ELAPOR2: variants seen among roughly 807,000 people sequenced by gnomAD.
The protein encoded by ELAPOR2 is endosome/lysosome-associated apoptosis and autophagy regulator family member 2.
A neutral mutation model predicts 120.7 loss-of-function variants in ELAPOR2; 89 were observed. The ratio of observed to expected loss-of-function variants is 0.74; its 90% CI spans 0.62 to 0.88. The LOEUF is 0.88. ELAPOR2 is among the 40% of genes least tolerant of loss of function. The pLI, the probability that ELAPOR2 is intolerant of heterozygous loss-of-function variation, is 0.00. For missense variants in ELAPOR2, 1,134 were observed against 1,251.6 expected (o/e 0.91, Z 1.42); for synonymous variants, 444 against 444.9 (o/e 1.00, Z 0.03).
chr7:86,944,427 G>GA (rs1022913528), intron 4 of ELAPOR2, among the ~76,000 whole-genome samples: 7 of 151,376 alleles, frequency 4.6e-5, no homozygotes, highest in Non-Finnish European at 1.0e-4. Context: ...TTCTACTTCT[G>GA]AAAAAAAATT....
At chr7:86,948,056 A>G (rs961310058) in intron 2 of ELAPOR2, 134 bp from the exon 3 acceptor site, 2 of 642,990 alleles carry the variant, frequency 3.1e-6, no homozygotes, top group East Asian at 2.8e-5. Flanking sequence ...AATTCCTCTT[A>G]TCACTACATG....
Position 86,913,108 on chromosome 7 carries a change from C to G in ELAPOR2, c.1828G>C (p.Gly610Arg). The G allele has an allele frequency of 6.2e-7, 1 of 1,613,994 alleles. No individual in the cohort carries two copies. Among genetic ancestry groups the G allele is most frequent in the South Asian group, 1.1e-5 (1 of 91,066 alleles). The change falls in exon 14 of 22, where the codon GGT (glycine) becomes CGT (arginine). Residue 610 changes from glycine (G) to arginine (R), a missense_variant. By Grantham distance (125) the Gly-to-Arg change is moderately radical. Around this residue, in one of 3 missense-constraint regions of ELAPOR2, gnomAD observed 831 missense variants for 867.6 expected, o/e 0.96. Coordinates refer to ENST00000450689, the MANE Select transcript of ELAPOR2 (RefSeq NM_001142749.3). ...VASSCRACAL[G>R]SEQSGSSCVP... ...CACGATGAACCCGACTGTTCAGAAC[C>G]GAGGGCACAGGCACGGCATGAGGAC...
intron 1 of ELAPOR2, among the ~76,000 whole-genome samples, chr7:87,012,396 G>A (rs567688163): frequency 6.6e-6 from 1 of 152,254 alleles, no homozygotes; most frequent in East Asian, 1.9e-4. Context: ...GTGACAGAGT[G>A]AGACTCCTTC....
At chr7:87,043,662 A>T in intron 1 of ELAPOR2, among the ~76,000 whole-genome samples, 1 of 148,894 alleles carries the variant, frequency 6.7e-6, no homozygotes, top group African/African-American at 2.5e-5. Context: ...ATCATACTGA[A>T]TGGGCAAAAA....
chr7:86,888,868 C>T (rs867135090), intron 21 of ELAPOR2, among the ~76,000 whole-genome samples: 2 of 152,094 alleles, frequency 1.3e-5, no homozygotes, highest in African/African-American at 4.8e-5. Context: ...ATGTAGGTCC[C>T]ACTTCATGTA....
Position 86,878,905 on chromosome 7 carries a change from A to G in ELAPOR2, c.*1566T>C, listed in dbSNP as rs1244319723. On this transcript the variant is annotated 3_prime_UTR_variant, in exon 22 of 22. Transcript: ENST00000450689. ...ATATACACAAAACATTCATTCAATA[A>G]TAACAGAATGGTCTAGTGTATTACC... 6.6e-6 allele frequency: 1 copy of G among 152,202 alleles called. No homozygotes were observed. Among genetic ancestry groups the G allele is most frequent in the Non-Finnish European group, 1.5e-5 (1 of 68,028 alleles). 9.4% of individuals were successfully genotyped at this position (152,202 alleles called of 1,614,324 possible).
At chr7:86,983,855 A>C (rs1306634563) in intron 1 of ELAPOR2, among the ~76,000 whole-genome samples, 2 of 152,222 alleles carry the variant, frequency 1.3e-5, no homozygotes, top group Non-Finnish European at 2.9e-5. Flanking sequence ...TTAAATGTAA[A>C]TGGGCTAGAT....
At chr7:86,914,631 C>G in intron 13 of ELAPOR2, 92 bp downstream of exon 13, 1 of 1,064,222 alleles carries the variant, frequency 9.4e-7, no homozygotes, top group Non-Finnish European at 1.3e-6. Flanking sequence ...GCAGTCCTTT[C>G]TTCCAAATTT....
chr7:86,947,254 T>C (rs1028251045), intron 3 of ELAPOR2, among the ~76,000 whole-genome samples: 10 of 152,188 alleles, frequency 6.6e-5, no homozygotes, highest in Non-Finnish European at 1.5e-4. Context: ...AGCTTTGTCA[T>C]ATGCAAAGCT....
At chr7:86,961,906 T>C (rs917540269) in intron 2 of ELAPOR2, among the ~76,000 whole-genome samples, 1 of 152,160 alleles carries the variant, frequency 6.6e-6, no homozygotes, top group Non-Finnish European at 1.5e-5. Context: ...AGGAGAGAGA[T>C]GAGATCATCT....
At chr7:86,967,979 A>T (rs1026358631) in intron 1 of ELAPOR2, among the ~76,000 whole-genome samples, 54 of 152,218 alleles carry the variant, frequency 3.5e-4, no homozygotes, top group Admixed American at 3.5e-3. Flanking sequence ...GTTTTATTTT[A>T]AATTATTTAA....
At chr7:86,914,689 T>C (rs374155975) in intron 13 of ELAPOR2, 34 bp downstream of exon 13, 4 of 1,579,250 alleles carry the variant, frequency 2.5e-6, no homozygotes, top group Non-Finnish European at 3.4e-6. Context: ...CATTAGTGTG[T>C]TTAAAATTTT....
At chr7:87,051,663 T>A (rs1795105738) in intron 1 of ELAPOR2, among the ~76,000 whole-genome samples, 1 of 152,208 alleles carries the variant, frequency 6.6e-6, no homozygotes, top group African/African-American at 2.4e-5. Flanking sequence ...CACATTTGCA[T>A]TAGATTCTTA....
At chr7:86,930,673 C>T (rs576596492) in intron 8 of ELAPOR2, among the ~76,000 whole-genome samples, 2 of 151,992 alleles carry the variant, frequency 1.3e-5, no homozygotes, top group African/African-American at 4.8e-5. Flanking sequence ...ATGCCTCCTT[C>T]GAAGAAGGCT....
rs1055469974 is a variant in ELAPOR2, at chr7:86,900,764, C to T, written c.2559-3132G>A. On this transcript the variant is annotated intron_variant, in intron 18 of 21. Transcript: ENST00000450689. ...CCTAAATGTCATAATTTAAATCAGT[C>T]CTTCCGTGTGAAACAGGGATGTATG... Among the ~76,000 whole-genome samples, 8 of 152,106 alleles carry T rather than the reference C, an allele frequency of 5.3e-5. No individual in the cohort carries two copies. The South Asian group carries it at 1.7e-3, about 32-fold the overall frequency.
chr7:87,035,418 T>C lies in ELAPOR2; in HGVS notation c.189+23907A>G, dbSNP rs1794556743. On this transcript the variant is annotated intron_variant, in intron 1 of 21. Coordinates refer to ENST00000450689, the MANE Select transcript of ELAPOR2 (RefSeq NM_001142749.3). ...CTACTACCCGCTAATCCAAATCTTG[T>C]CCTCTAAATGAGCATTATAGCAATT... Among the ~76,000 whole-genome samples, 5 of 152,344 alleles carry C rather than the reference T, an allele frequency of 3.3e-5. No homozygotes were observed. The South Asian group carries it at 1.0e-3, about 32-fold the overall frequency.
intron 1 of ELAPOR2, among the ~76,000 whole-genome samples, chr7:86,965,294 C>T (rs191922798): frequency 1.3e-5 from 2 of 152,272 alleles, no homozygotes; most frequent in East Asian, 3.9e-4. Context: ...AGAAAAGCTA[C>T]AGCACACTTC....
intron 2 of ELAPOR2, among the ~76,000 whole-genome samples, chr7:86,957,630 T>C (rs763425101): frequency 3.9e-5 from 6 of 152,236 alleles, no homozygotes; most frequent in Non-Finnish European, 5.9e-5. Context: ...TCATTGCATA[T>C]GAGGATATAG....
chr7:87,027,861 T>C (rs1794295420), intron 1 of ELAPOR2, among the ~76,000 whole-genome samples: 1 of 152,020 alleles, frequency 6.6e-6, no homozygotes. Flanking sequence ...AGAAAAGTAA[T>C]ACAAAAGGAT....
Sources: gnomAD v4.1 joint callset for allele counts (sites outside exome capture counted in the v4.1 genomes callset) on GRCh38, gnomAD v4.1.1 for gene constraint, gnomAD v4.1.1 regional missense constraint, MANE v1.5 for transcripts, NCBI Gene and HGNC (gene_info 2026-07-23, HGNC 2026-07-21) for gene names.